APOLD1: variants seen among roughly 807,000 people sequenced by gnomAD.
APOLD1 encodes apolipoprotein L domain containing 1.
A neutral mutation model predicts 15.3 loss-of-function variants in APOLD1; 22 were observed. That is an observed-to-expected ratio of 1.44 (90% confidence interval 1.03 to 2.05). The LOEUF (loss-of-function observed/expected upper bound fraction) is 2.05, where lower values mean the gene tolerates loss of function less well. Ranked by LOEUF, APOLD1 falls within the 30% of genes most tolerant of loss-of-function variation. The pLI is 0.00. For synonymous variants in APOLD1, 190 were observed against 167.4 expected (o/e 1.13, Z -1.04); for missense variants, 394 against 353.5 (o/e 1.11, Z -0.92).
chr12:12,735,861 C>T (rs55753159), intron 1 of APOLD1, among the ~76,000 whole-genome samples: 28,030 of 152,086 alleles, frequency 0.18, 2,973 homozygotes, highest in Admixed American at 0.26. Context: ...GCAGGAGGAT[C>T]GCTTGGGCCC....
chr12:12,726,240 C>A, intron 1 of APOLD1: 1 of 736,468 alleles, frequency 1.4e-6, no homozygotes, highest in Non-Finnish European at 2.3e-6. Context: ...CATAATTCAG[C>A]CAGTCGGTGT....
intron 1 of APOLD1, among the ~76,000 whole-genome samples, chr12:12,778,405 G>A (rs1947054412): frequency 6.6e-6 from 1 of 151,440 alleles, no homozygotes; most frequent in Non-Finnish European, 1.5e-5. Context: ...CTGCAGCCTC[G>A]CCCTCCTAGG....
intron 1 of APOLD1, among the ~76,000 whole-genome samples, chr12:12,728,690 A>AAAAAAAAAAAAG (rs779176543): frequency 3.6e-5 from 5 of 139,330 alleles, no homozygotes; most frequent in South Asian, 2.2e-4. Flanking sequence ...AAAAAAAAAA[A>AAAAAAAAAAAAG]AGAGAGAGAA....
At chr12:12,753,105 GT>G (rs1238938062) in intron 1 of APOLD1, among the ~76,000 whole-genome samples, 10 of 152,252 alleles carry the variant, frequency 6.6e-5, no homozygotes, top group African/African-American at 2.4e-4. Context: ...AAAAATAGAT[GT>G]GACATACATC....
chr12:12,734,420 G>T (rs1946667240), intron 1 of APOLD1, among the ~76,000 whole-genome samples: 1 of 152,184 alleles, frequency 6.6e-6, no homozygotes, highest in Non-Finnish European at 1.5e-5. Flanking sequence ...GACTGACCTG[G>T]GGCAAATCTT....
At chr12:12,730,272 T>C (rs1946628229) in intron 1 of APOLD1, among the ~76,000 whole-genome samples, 1 of 152,178 alleles carries the variant, frequency 6.6e-6, no homozygotes, top group Non-Finnish European at 1.5e-5. Flanking sequence ...CACAGTGTAC[T>C]GGGCCATATT....
chr12:12,787,822 C>T lies in APOLD1; in HGVS notation c.*170C>T. 1 of 903,660 alleles carries T rather than the reference C, an allele frequency of 1.1e-6. No individual in the cohort carries two copies. Among genetic ancestry groups the T allele is most frequent in the Non-Finnish European group, 1.6e-6 (1 of 617,422 alleles). 56.0% of individuals were successfully genotyped at this position (903,660 alleles called of 1,614,324 possible). ...CCCCAAAGCCCTTCTTTTCCCATCA[C>T]TGTGACATCTGCCTGGGCTTGAGTG... On this transcript the variant is annotated 3_prime_UTR_variant, in exon 2 of 2. Coordinates refer to ENST00000356591, the MANE Select transcript of APOLD1 (RefSeq NM_030817.3). The surrounding 1 kb of genome is among the most constrained non-coding windows in gnomAD (Gnocchi z 4.9).
intron 1 of APOLD1, among the ~76,000 whole-genome samples, chr12:12,730,672 A>G (rs1452102040): frequency 1.5e-5 from 2 of 136,030 alleles, no homozygotes; most frequent in African/African-American, 5.7e-5. Context: ...CGAGATTGAG[A>G]CTTCCTCTAA....
chr12:12,748,347 G>A (rs1388337544), intron 1 of APOLD1, among the ~76,000 whole-genome samples: 2 of 152,164 alleles, frequency 1.3e-5, no homozygotes, highest in African/African-American at 2.4e-5. Context: ...GAGAGGGCAA[G>A]GTGGAGGGGC....
chr12:12,767,911 G>T (rs911151610), intron 1 of APOLD1, among the ~76,000 whole-genome samples: 1 of 151,410 alleles, frequency 6.6e-6, no homozygotes, highest in African/African-American at 2.4e-5. Flanking sequence ...TCAGCCTCCC[G>T]AGTAGCTGGG....
rs1419319559 is a variant in APOLD1 at position 12,787,588 on chromosome 12, C to T, written c.683C>T (p.Thr228Ile). The T allele has an allele frequency of 1.9e-6, 3 of 1,612,352 alleles. No homozygotes were observed. In the South Asian group the frequency reaches 3.3e-5, roughly 18 times the overall value. ...EQLESRVQLC[T>I]KSSRGHDLKI... The stretch of plus-strand genomic sequence containing the variant: ...CTGGAGTCTCGGGTTCAGCTCTGCA[C>T]CAAGTCCAGTCGTGGCCACGACCTC... Residue 228 changes from threonine to isoleucine, a missense_variant, in exon 2 of 2, where the codon ACC becomes ATC. Thr to Ile is a moderately conservative substitution (Grantham distance 89). Coordinates refer to ENST00000356591, the MANE Select transcript of APOLD1 (RefSeq NM_030817.3). The surrounding 1 kb of genome is among the most constrained non-coding windows in gnomAD (Gnocchi z 4.9).
chr12:12,761,806 A>ATATATATATAT (rs1565432721), intron 1 of APOLD1, among the ~76,000 whole-genome samples: 7 of 97,884 alleles, frequency 7.2e-5, no homozygotes, highest in African/African-American at 2.3e-4. Context: ...TATATACATG[A>ATATATATATAT]ACATATACAT....
intron 1 of APOLD1, among the ~76,000 whole-genome samples, chr12:12,743,669 G>A (rs1365567366): frequency 6.6e-6 from 1 of 152,210 alleles, no homozygotes; most frequent in Non-Finnish European, 1.5e-5. Flanking sequence ...GCAAAGGGGG[G>A]ATTAAGGTTG....
intron 1 of APOLD1, among the ~76,000 whole-genome samples, chr12:12,740,250 G>A (rs576463045): frequency 1.7e-3 from 266 of 152,224 alleles, no homozygotes; most frequent in South Asian, 4.8e-3. Context: ...CAAAGTGCTG[G>A]GATTACAGGT....
intron 1 of APOLD1, among the ~76,000 whole-genome samples, chr12:12,737,234 A>T (rs6488549): frequency 0.43 from 61,947 of 144,568 alleles, 12,875 homozygotes; most frequent in East Asian, 0.53. Context: ...TTTTTTTTTT[A>T]AATTGAAGAT....
chr12:12,764,730 C>T (rs755934683), intron 1 of APOLD1: 4 of 504,266 alleles, frequency 7.9e-6, no homozygotes, highest in Non-Finnish European at 1.7e-5. Flanking sequence ...TTCTTTGCCA[C>T]TCATACACCT....
chr12:12,734,999 C>T (rs1237676364), intron 1 of APOLD1, among the ~76,000 whole-genome samples: 1 of 152,122 alleles, frequency 6.6e-6, no homozygotes, highest in African/African-American at 2.4e-5. Flanking sequence ...CAGTTTGGAT[C>T]CCAGACAAGG....
chr12:12,756,103 G>A (rs1198461786), intron 1 of APOLD1, among the ~76,000 whole-genome samples: 1 of 152,212 alleles, frequency 6.6e-6, no homozygotes. Context: ...GAAGTGAAAA[G>A]ATCCACTGTC....
At chr12:12,742,677 T>C (rs1693383520) in intron 1 of APOLD1, among the ~76,000 whole-genome samples, 1 of 151,516 alleles carries the variant, frequency 6.6e-6, no homozygotes, top group Non-Finnish European at 1.5e-5. Flanking sequence ...AGGCAGAGAA[T>C]TGCTTGAACC....
Sources: gnomAD v4.1 joint callset for allele counts (sites outside exome capture counted in the v4.1 genomes callset) on GRCh38, gnomAD v4.1.1 for gene constraint, Gnocchi (gnomAD v3.1) non-coding constraint, MANE v1.5 for transcripts, NCBI Gene and HGNC (gene_info 2026-07-23, HGNC 2026-07-21) for gene names.